HMCN1: variants seen among roughly 807,000 people sequenced by gnomAD.
HMCN1 encodes the protein hemicentin-1.
HMCN1 carries 321 observed loss-of-function variants against 625.9 expected under a neutral mutation model. That is an observed-to-expected ratio of 0.51 (90% CI 0.47 to 0.56). The LOEUF (loss-of-function observed/expected upper bound fraction) is 0.56, where lower values mean the gene tolerates loss of function less well. Among genes scored for constraint, HMCN1 ranks in the 20% least tolerant of loss-of-function variants. The pLI, the probability that HMCN1 is intolerant of heterozygous loss-of-function variation, is 0.00. For synonymous variants in HMCN1, 2,425 were observed against 2,417.6 expected (o/e 1.00, Z -0.09); for missense variants, 6,588 against 6,887.3 (o/e 0.96, Z 1.54).
intron 1 of HMCN1, among the ~76,000 whole-genome samples, chr1:185,829,635 C>T (rs534515886): frequency 6.6e-6 from 1 of 152,276 alleles, no homozygotes; most frequent in Non-Finnish European, 1.5e-5. Flanking sequence ...ATATGTGCCA[C>T]ATTTTCTTTA....
chr1:186,095,211 TC>T, intron 67 of HMCN1, 31 bp from the exon 68 acceptor site: 1 of 1,609,834 alleles, frequency 6.2e-7, no homozygotes, highest in Non-Finnish European at 8.5e-7. Flanking sequence ...ACAATAGACA[TC>T]CAAATTTTGC....
At chr1:186,028,605 A>T (rs1369890400) in intron 36 of HMCN1, among the ~76,000 whole-genome samples, 1 of 152,062 alleles carries the variant, frequency 6.6e-6, no homozygotes. Flanking sequence ...TTTCTGGTCC[A>T]CTTGTTTGTC....
intron 4 of HMCN1, among the ~76,000 whole-genome samples, chr1:185,879,862 A>C (rs972759433): frequency 6.6e-6 from 1 of 152,160 alleles, no homozygotes; most frequent in Non-Finnish European, 1.5e-5. Flanking sequence ...CATCTATCTG[A>C]ATGTGGAATT....
chr1:186,134,162 A>G (rs1447601325), intron 86 of HMCN1, among the ~76,000 whole-genome samples: 1 of 152,170 alleles, frequency 6.6e-6, no homozygotes, highest in Non-Finnish European at 1.5e-5. Flanking sequence ...AAGTACCAGA[A>G]GCGATATTTT....
chr1:186,087,429 T>C lies in HMCN1; in HGVS notation c.9161-14T>C. The C allele has an allele frequency of 6.2e-7, 1 of 1,612,626 alleles. No homozygotes were observed. Among genetic ancestry groups the C allele is most frequent in the Non-Finnish European group, 8.5e-7 (1 of 1,178,966 alleles). ...AATGAAAAAGAAAATCCTTCTGTTA[T>C]TTTCTTCCCTCAGTGCCCCCAAGCA... On this transcript the variant is annotated splice_polypyrimidine_tract_variant and intron_variant, in intron 59 of 106. Coordinates refer to ENST00000271588, the MANE Select transcript of HMCN1 (RefSeq NM_031935.3).
chr1:185,943,385 T>A (rs1668178533), intron 11 of HMCN1, among the ~76,000 whole-genome samples: 1 of 152,226 alleles, frequency 6.6e-6, no homozygotes, highest in Non-Finnish European at 1.5e-5. Context: ...CAGAACTGAA[T>A]TAAATTAGAA....
At chr1:186,003,491 C>T (rs190865354) in intron 28 of HMCN1, among the ~76,000 whole-genome samples, 6 of 152,176 alleles carry the variant, frequency 3.9e-5, no homozygotes, top group African/African-American at 1.2e-4. Context: ...TGTCATAATT[C>T]TTGAAGGTAA....
At chr1:186,188,790 GA>G (rs34341308) in intron 106 of HMCN1, among the ~76,000 whole-genome samples, 4,009 of 152,220 alleles carry the variant, frequency 0.026, 172 homozygotes, top group African/African-American at 0.091. Context: ...GGTCTGATGG[GA>G]CATGGAATAG....
intron 1 of HMCN1, among the ~76,000 whole-genome samples, chr1:185,802,443 A>T (rs1459397375): frequency 1.3e-5 from 2 of 152,190 alleles, no homozygotes; most frequent in African/African-American, 4.8e-5. Context: ...GCATGGATGA[A>T]ATCACCTAGG....
chr1:185,777,816 T>C lies in HMCN1; in HGVS notation c.268+42769T>C, dbSNP rs58149410. ...TATTATCCTCCAGCTGGTTGTGATATGGTCTAAGTGAAATCTTGCTTCCAT... is the reference window on the plus strand; with the variant it reads ...TATTATCCTCCAGCTGGTTGTGATACGGTCTAAGTGAAATCTTGCTTCCAT... On this transcript the variant is annotated intron_variant, in intron 1 of 106. Coordinates refer to ENST00000271588, the MANE Select transcript of HMCN1 (RefSeq NM_031935.3). 2.6e-3 allele frequency among the ~76,000 whole-genome samples: 390 copies of C among 152,348 alleles called. 9 individuals carry two copies. The East Asian group carries it at 0.049, about 19-fold the overall frequency.
chr1:186,098,281 G>C (rs1265244368), intron 68 of HMCN1, among the ~76,000 whole-genome samples: 1 of 152,060 alleles, frequency 6.6e-6, no homozygotes, highest in African/African-American at 2.4e-5. Flanking sequence ...CAGAATGGGA[G>C]AAAATATTTC....
chr1:185,949,853 G>A (rs1346439690), intron 11 of HMCN1, among the ~76,000 whole-genome samples: 2 of 151,272 alleles, frequency 1.3e-5, no homozygotes, highest in African/African-American at 4.9e-5. Flanking sequence ...GTGTAGGGAA[G>A]GGAGGGGGCC....
chr1:186,038,674 C>G (rs925622068), intron 37 of HMCN1, among the ~76,000 whole-genome samples, 155 bp from the exon 38 acceptor site: 34 of 152,106 alleles, frequency 2.2e-4, no homozygotes, highest in African/African-American at 8.2e-4. Flanking sequence ...GTTACCTTCT[C>G]TTAAAAATCA....
chr1:186,086,774 G>A (rs1050519920), intron 58 of HMCN1, among the ~76,000 whole-genome samples: 5 of 125,010 alleles, frequency 4.0e-5, no homozygotes, highest in South Asian at 2.6e-4. Flanking sequence ...AGATAGATAG[G>A]TAGATAGATA....
chr1:185,756,997 A>G (rs1571310073), intron 1 of HMCN1, among the ~76,000 whole-genome samples: 1 of 152,104 alleles, frequency 6.6e-6, no homozygotes, highest in Admixed American at 6.5e-5. Flanking sequence ...TTTTTGAGAC[A>G]AAGTTTCACT....
chr1:186,022,186 C>G (rs1463999257), intron 35 of HMCN1, among the ~76,000 whole-genome samples: 2 of 152,020 alleles, frequency 1.3e-5, no homozygotes, highest in Non-Finnish European at 2.9e-5. Flanking sequence ...GTGAGGCTAT[C>G]CTGTAAATTT....
At chr1:186,062,006 C>A (rs752928302) in intron 47 of HMCN1, 42 bp downstream of exon 47, 12 of 1,224,650 alleles carry the variant, frequency 9.8e-6, no homozygotes, top group African/African-American at 1.5e-5. Flanking sequence ...ACTTAAATTG[C>A]CTTAAATCCT....
Position 185,989,216 on chromosome 1 carries a change from C to T in HMCN1, c.3049-272C>T, listed in dbSNP as rs568477373. The stretch of plus-strand genomic sequence containing the variant: ...TAGGGACGGGGTTTCACCGTGGTCT[C>T]GATCTCCTGACCTTGTGATCTGCCC... On this transcript the variant is annotated intron_variant, in intron 20 of 106. Transcript: ENST00000271588. Among the ~76,000 whole-genome samples the T allele has an allele frequency of 1.5e-4, 23 of 151,990 alleles. No individual in the cohort carries two copies. In the East Asian group the frequency reaches 4.3e-3, roughly 28 times the overall value.
chr1:186,055,053 A>G (rs1211168297), intron 44 of HMCN1, among the ~76,000 whole-genome samples: 1 of 151,998 alleles, frequency 6.6e-6, no homozygotes, highest in Non-Finnish European at 1.5e-5. Flanking sequence ...CTAGGCTACT[A>G]TATCTATTTT....
Sources: allele counts gnomAD v4.1 joint callset (sites outside exome capture counted in the v4.1 genomes callset), GRCh38; gene constraint gnomAD v4.1.1; transcripts MANE v1.5; gene names NCBI Gene and HGNC (gene_info 2026-07-23, HGNC 2026-07-21).